Variants in ADAMTS19 observed in about 807,000 individuals in gnomAD.
ADAMTS19 encodes the protein A disintegrin and metalloproteinase with thrombospondin motifs 19.
In ADAMTS19, 93 loss-of-function variants were observed where a neutral mutation model predicts 153.3. The ratio of observed to expected loss-of-function variants is 0.61; its 90% confidence interval spans 0.51 to 0.72. ADAMTS19 has a LOEUF of 0.72. Ranked by LOEUF, ADAMTS19 falls within the 30% of genes least tolerant of loss-of-function variation. ADAMTS19 has a pLI of 0.00. For synonymous variants in ADAMTS19, 600 were observed against 556.6 expected (o/e 1.08, Z -1.10); for missense variants, 1,482 against 1,552.1 (o/e 0.95, Z 0.76).
chr5:129,510,675 A>G (rs897158358), intron 3 of ADAMTS19, among the ~76,000 whole-genome samples: 4 of 151,854 alleles, frequency 2.6e-5, no homozygotes, highest in African/African-American at 4.8e-5. Flanking sequence ...GCACTGTGTA[A>G]CTTTTGAATA....
In ADAMTS19 at chr5:129,461,519, A is replaced by G; in HGVS notation, c.509A>G (p.Glu170Gly). 6.6e-7 allele frequency: 1 copy of G among 1,519,064 alleles called. No individual in the cohort carries two copies. Among genetic ancestry groups the G allele is most frequent in the Non-Finnish European group, 8.8e-7 (1 of 1,141,082 alleles). The allele number at this position is 1,519,064 out of a possible 1,614,324, so 94.1% of individuals were successfully genotyped here. Residue 170 changes from glutamate (E) to glycine (G), a missense_variant, in exon 2 of 23, where the codon GAA (glutamate) becomes GGA (glycine). Glu to Gly is a moderately conservative substitution (Grantham distance 98, BLOSUM62 -2). Transcript: ENST00000274487. The surrounding 1 kb of genome is among the most constrained non-coding windows in gnomAD (Gnocchi z 4.6). Reference sequence around the variant, plus strand: ...CAGCATGCCGAGCCGGATGGCGACGAAGTGTTGCTGCGGATCCCGGCCTTC... The same window carrying G: ...CAGCATGCCGAGCCGGATGGCGACGGAGTGTTGCTGCGGATCCCGGCCTTC... The part of the protein sequence containing the change: ...PAQHAEPDGD[E>G]VLLRIPAFSR...
intron 7 of ADAMTS19, among the ~76,000 whole-genome samples, chr5:129,555,749 C>G (rs1753290058): frequency 1.3e-5 from 2 of 152,154 alleles, no homozygotes; most frequent in Admixed American, 6.5e-5. Flanking sequence ...TAGACTCTAC[C>G]TCAGATCTTC....
chr5:129,691,611 T>A (rs25804), intron 18 of ADAMTS19, among the ~76,000 whole-genome samples: 80,747 of 151,968 alleles, frequency 0.53, 23,770 homozygotes, highest in Non-Finnish European at 0.66. Context: ...GAGCAATGAG[T>A]TTTTTTCTAA....
chr5:129,659,948 T>C (rs898086084), intron 15 of ADAMTS19, among the ~76,000 whole-genome samples: 3 of 152,166 alleles, frequency 2.0e-5, no homozygotes, highest in Non-Finnish European at 4.4e-5. Flanking sequence ...TTTCCTAGTT[T>C]AAATTTCTTT....
chr5:129,613,290 G>A (rs1175225988), intron 8 of ADAMTS19, among the ~76,000 whole-genome samples: 1 of 152,092 alleles, frequency 6.6e-6, no homozygotes, highest in Non-Finnish European at 1.5e-5. Context: ...TGGAAGTAAA[G>A]CACTCTTCAG....
intron 6 of ADAMTS19, among the ~76,000 whole-genome samples, chr5:129,544,023 A>G (rs1258088857): frequency 6.6e-6 from 1 of 152,114 alleles, no homozygotes; most frequent in African/African-American, 2.4e-5. Context: ...CCTTTTCCAC[A>G]TTACTCTCGT....
In ADAMTS19 at chr5:129,709,932, T is replaced by C. The variant is rs17163043; in HGVS notation, c.3312+5541T>C. Among the ~76,000 whole-genome samples, 1,395 of 152,192 alleles carry C rather than the reference T, an allele frequency of 9.2e-3. 21 individuals carry two copies. The highest frequency in any genetic ancestry group is 0.031 in the African/African-American group (1,288 of 41,524). ...ATTAATAGGCTGTAGGCTCATAGGA[T>C]CTTTGGCCTGACCATCTGTCCTCTA... On this transcript the variant is annotated intron_variant, in intron 21 of 22. Coordinates refer to ENST00000274487, the MANE Select transcript of ADAMTS19 (RefSeq NM_133638.6).
chr5:129,465,906 G>C (rs1234608286), intron 2 of ADAMTS19, among the ~76,000 whole-genome samples: 1 of 152,210 alleles, frequency 6.6e-6, no homozygotes, highest in East Asian at 1.9e-4. Flanking sequence ...CTGAAAGATT[G>C]AAACAGTTTG....
chr5:129,703,043 C>A (rs533311781), intron 20 of ADAMTS19, among the ~76,000 whole-genome samples: 52 of 146,808 alleles, frequency 3.5e-4, no homozygotes, highest in Non-Finnish European at 5.6e-4. Context: ...TATTCAAATA[C>A]AAACTTTAAG....
intron 19 of ADAMTS19, 34 bp downstream of exon 19, chr5:129,694,889 T>G (rs1316159829): frequency 2.0e-6 from 3 of 1,482,548 alleles, no homozygotes; most frequent in Non-Finnish European, 2.7e-6. Flanking sequence ...AAAGCATTAT[T>G]TGTCCATTAG....
intron 2 of ADAMTS19, among the ~76,000 whole-genome samples, chr5:129,466,469 A>G (rs1437477485): frequency 6.6e-6 from 1 of 152,120 alleles, no homozygotes; most frequent in East Asian, 1.9e-4. Flanking sequence ...AAAAATAGGA[A>G]CAAACTGCTA....
intron 2 of ADAMTS19, among the ~76,000 whole-genome samples, chr5:129,496,571 G>A (rs1360631370): frequency 4.0e-5 from 6 of 151,724 alleles, no homozygotes; most frequent in Non-Finnish European, 8.8e-5. Context: ...GTAGGAGGTT[G>A]GCAACATCTC....
At chr5:129,515,516 G>A (rs1036400291) in intron 3 of ADAMTS19, among the ~76,000 whole-genome samples, 5 of 151,628 alleles carry the variant, frequency 3.3e-5, no homozygotes, top group Admixed American at 3.3e-4. Flanking sequence ...TCACTTCTTT[G>A]GTTAATTCTT....
intron 6 of ADAMTS19, among the ~76,000 whole-genome samples, chr5:129,533,810 G>T (rs1045234388): frequency 6.6e-6 from 1 of 151,986 alleles, no homozygotes; most frequent in Non-Finnish European, 1.5e-5. Context: ...GTTCTCGTTG[G>T]TTGCAAAGAA....
At chr5:129,694,943 A>G (rs1371308917) in intron 19 of ADAMTS19, 88 bp downstream of exon 19, 6 of 1,297,062 alleles carry the variant, frequency 4.6e-6, no homozygotes, top group East Asian at 2.8e-5. Flanking sequence ...TTGAAATCAC[A>G]TTTTCTTAAA....
chr5:129,679,768 C>A lies in ADAMTS19; in HGVS notation c.2511C>A (p.Leu837=). The A allele has an allele frequency of 6.2e-7, 1 of 1,609,408 alleles. No individual in the cohort carries two copies. Among genetic ancestry groups the A allele is most frequent in the South Asian group, 1.1e-5 (1 of 90,108 alleles). The change falls in exon 17 of 23, where the codon CTC becomes CTA. Residue 837 remains leucine (L), a synonymous_variant. Transcript: ENST00000274487. The part of the protein sequence containing the change: ...EEKPAHSYLA[L]RDAGKQSINS... ...TATTTTTGAACCTCTTTATAGCTCT[C>A]CGAGATGCTGGCAAACAGTCTATTA...
intron 21 of ADAMTS19, among the ~76,000 whole-genome samples, chr5:129,707,041 A>T (rs1181945478): frequency 6.6e-6 from 1 of 152,172 alleles, no homozygotes; most frequent in East Asian, 1.9e-4. Context: ...AATACAGTTG[A>T]CCCCTTAACA....
Position 129,717,748 on chromosome 5 carries a change from C to T in ADAMTS19, c.3312+13357C>T, listed in dbSNP as rs566310245. Among the ~76,000 whole-genome samples the T allele has an allele frequency of 1.2e-4, 18 of 152,210 alleles. 1 individual carries two copies. The South Asian group carries it at 2.5e-3, about 21-fold the overall frequency. ...GAATTTTCTCCTGAATTGGCAAATA[C>T]GTGTTTATTCTAAGTTGGAATAAGT... On this transcript the variant is annotated intron_variant, in intron 21 of 22. Coordinates refer to ENST00000274487, the MANE Select transcript of ADAMTS19 (RefSeq NM_133638.6).
At chr5:129,611,167 C>CG (rs1323207376) in intron 8 of ADAMTS19, among the ~76,000 whole-genome samples, 1 of 149,428 alleles carries the variant, frequency 6.7e-6, no homozygotes, top group East Asian at 2.1e-4. Context: ...TCGTTGAGTT[C>CG]TTTGTAGATT....
Sources: allele counts gnomAD v4.1 joint callset (sites outside exome capture counted in the v4.1 genomes callset), GRCh38; gene constraint gnomAD v4.1.1; non-coding constraint Gnocchi (gnomAD v3.1); transcripts MANE v1.5; gene names NCBI Gene and HGNC (gene_info 2026-07-23, HGNC 2026-07-21).